USP48: variants seen among roughly 807,000 people sequenced by gnomAD.
USP48 encodes the protein ubiquitin carboxyl-terminal hydrolase 48.
USP48 carries 43 observed loss-of-function variants against 150.7 expected under a neutral mutation model. That is an observed-to-expected ratio of 0.29 (90% CI 0.22 to 0.37). The LOEUF (loss-of-function observed/expected upper bound fraction) is 0.37. Ranked by LOEUF, USP48 falls within the 10% of genes least tolerant of loss-of-function variation. The pLI is 1.00. For missense variants in USP48, 813 were observed against 1,249.6 expected, an observed-to-expected ratio of 0.65 and a Z score of 5.27; for synonymous variants, 396 against 425.9, an observed-to-expected ratio of 0.93 and a Z score of 0.86.
At chr1:21,709,735 G>A (rs1483007353) in intron 15 of USP48, among the ~76,000 whole-genome samples, 1 of 152,080 alleles carries the variant, frequency 6.6e-6, no homozygotes, top group Non-Finnish European at 1.5e-5. Flanking sequence ...CTGATGTGGG[G>A]GTACTTTTAG....
intron 15 of USP48, 97 bp from the exon 16 acceptor site, chr1:21,706,965 A>T: frequency 1.5e-6 from 2 of 1,349,168 alleles, no homozygotes; most frequent in Non-Finnish European, 2.0e-6. Flanking sequence ...ATCCACAGGT[A>T]CGCTTTTCTT....
chr1:21,693,866 C>G (rs543301060), intron 23 of USP48, among the ~76,000 whole-genome samples: 3 of 152,258 alleles, frequency 2.0e-5, no homozygotes, highest in Admixed American at 6.5e-5. Context: ...TACATAACAC[C>G]CTCAAAGGAA....
chr1:21,759,230 C>T (rs747120038), intron 1 of USP48, among the ~76,000 whole-genome samples: 1 of 149,068 alleles, frequency 6.7e-6, no homozygotes, highest in Non-Finnish European at 1.5e-5. Context: ...TGACAGGAAC[C>T]CTAAATTCAA....
intron 1 of USP48, among the ~76,000 whole-genome samples, chr1:21,772,978 G>A (rs146961552): frequency 0.017 from 2,614 of 150,186 alleles, 35 homozygotes; most frequent in Non-Finnish European, 0.026. Flanking sequence ...AGAAATATTC[G>A]GCCGGGCGTG....
At chr1:21,740,603 G>T (rs960843554) in intron 8 of USP48, among the ~76,000 whole-genome samples, 5 of 152,164 alleles carry the variant, frequency 3.3e-5, no homozygotes, top group Non-Finnish European at 5.9e-5. Context: ...GTCCTGGGAC[G>T]AGTGACAATC....
intron 22 of USP48, 132 bp from the exon 23 acceptor site, chr1:21,695,353 A>G: frequency 1.0e-6 from 1 of 976,444 alleles, no homozygotes; most frequent in Non-Finnish European, 1.4e-6. Flanking sequence ...AATGTAAACA[A>G]TGAGTAGAAA....
At chr1:21,747,014 A>C in intron 8 of USP48, 53 bp downstream of exon 8, 1 of 1,393,052 alleles carries the variant, frequency 7.2e-7, no homozygotes, top group South Asian at 1.3e-5. Context: ...CAAGCCGATC[A>C]CAAGTTAGAG....
chr1:21,704,029 T>C (rs181648681), intron 20 of USP48, among the ~76,000 whole-genome samples: 5 of 152,336 alleles, frequency 3.3e-5, no homozygotes, highest in African/African-American at 4.8e-5. Flanking sequence ...GCCCAAACTC[T>C]TAATAATATT....
rs936411470 is a variant in USP48, at chr1:21,700,017, G to C, written c.2727+1481C>G. ...ACGCTTGTGGAGACATATTAGTAGA[G>C]TCAACTAATATGTCTCCACAAGCGT... On this transcript the variant is annotated intron_variant, in intron 22 of 26. Coordinates refer to ENST00000308271, the MANE Select transcript of USP48 (RefSeq NM_032236.8). 1.6e-4 allele frequency among the ~76,000 whole-genome samples: 24 copies of C among 146,896 alleles called. No homozygotes were observed. In the East Asian group the frequency reaches 1.7e-3, roughly 10 times the overall value.
At chr1:21,703,688 A>T in intron 20 of USP48, 70 bp from the exon 21 acceptor site, 1 of 1,174,164 alleles carries the variant, frequency 8.5e-7, no homozygotes, top group South Asian at 1.3e-5. Context: ...CAAAGATCTA[A>T]AAACATATGT....
intron 23 of USP48, 118 bp downstream of exon 23, chr1:21,694,938 ATTTTGAAAAC>A: frequency 9.2e-7 from 1 of 1,084,432 alleles, no homozygotes; most frequent in South Asian, 2.6e-5. Flanking sequence ...ATTTTTGGCT[ATTTTGAAAAC>A]TTTAAGTCTT....
intron 8 of USP48, among the ~76,000 whole-genome samples, chr1:21,744,797 A>G (rs1166633316): frequency 2.6e-5 from 4 of 151,226 alleles, no homozygotes; most frequent in Non-Finnish European, 5.9e-5. Context: ...AAAAAAAAAA[A>G]AAAAATGCTA....
chr1:21,782,353 G>T (rs1250927747), intron 1 of USP48, among the ~76,000 whole-genome samples: 1 of 151,820 alleles, frequency 6.6e-6, no homozygotes, highest in Non-Finnish European at 1.5e-5. Context: ...GGCCAACGGG[G>T]GTGCAGGGTA....
intron 6 of USP48, among the ~76,000 whole-genome samples, chr1:21,749,881 A>G (rs1356599280): frequency 6.6e-6 from 1 of 152,150 alleles, no homozygotes; most frequent in Non-Finnish European, 1.5e-5. Context: ...GGGATTATAG[A>G]CATGAGCCAC....
At chr1:21,723,861 C>T (rs2097728914) in intron 12 of USP48, 37 bp downstream of exon 12, 1 of 1,564,054 alleles carries the variant, frequency 6.4e-7, no homozygotes, top group Non-Finnish European at 8.8e-7. Flanking sequence ...ATTTAATGAG[C>T]TGCTCTTTTT....
intron 25 of USP48, among the ~76,000 whole-genome samples, chr1:21,682,718 T>C (rs1203935066): frequency 6.6e-6 from 1 of 151,684 alleles, no homozygotes; most frequent in Admixed American, 6.6e-5. Context: ...CTACTAAAAA[T>C]ACAAAAATTA....
intron 8 of USP48, among the ~76,000 whole-genome samples, chr1:21,744,601 C>G (rs2097789802): frequency 6.6e-6 from 1 of 150,978 alleles, no homozygotes; most frequent in South Asian, 2.1e-4. Flanking sequence ...CACAGTGAAA[C>G]CCCGTCTCTA....
intron 1 of USP48, among the ~76,000 whole-genome samples, chr1:21,781,245 C>A (rs1391831422): frequency 6.7e-6 from 1 of 148,792 alleles, no homozygotes; most frequent in Non-Finnish European, 1.5e-5. Flanking sequence ...ATGGAGAAAC[C>A]CTGTCTCTAC....
At chr1:21,754,451 G>C (rs1294207091) in intron 3 of USP48, among the ~76,000 whole-genome samples, 2 of 152,196 alleles carry the variant, frequency 1.3e-5, no homozygotes, top group East Asian at 1.9e-4. Flanking sequence ...CATGGATATT[G>C]AGAGCCCAGA....
Sources: gnomAD v4.1 joint callset for allele counts (sites outside exome capture counted in the v4.1 genomes callset) on GRCh38, gnomAD v4.1.1 for gene constraint, MANE v1.5 for transcripts, NCBI Gene and HGNC (gene_info 2026-07-23, HGNC 2026-07-21) for gene names.